Variants in DIP2B observed in about 807,000 individuals in gnomAD.
The protein encoded by DIP2B is DIP2 acetate--CoA ligase B (putative), also known as disco-interacting protein 2 homolog B.
DIP2B carries 76 observed loss-of-function variants against 198.0 expected under a neutral mutation model. The ratio of observed to expected loss-of-function variants is 0.38; its 90% CI spans 0.32 to 0.46. The LOEUF is 0.46. DIP2B is among the 20% of genes least tolerant of loss of function. The pLI, the probability that DIP2B is intolerant of heterozygous loss-of-function variation, is 0.99. For synonymous variants in DIP2B, 701 were observed against 739.1 expected (o/e 0.95, Z 0.84); for missense variants, 1,559 against 1,978.4 (o/e 0.79, Z 4.02).
At chr12:50,686,948 A>G (rs929518182) in intron 12 of DIP2B, 3 of 300,340 alleles carry the variant, frequency 1.0e-5, no homozygotes, top group Non-Finnish European at 1.8e-5. Flanking sequence ...GGGAAGTACA[A>G]GCGTTTAGGA....
rs57483938 is a variant in DIP2B, at chr12:50,643,405, CTGTGTGTGTGTG to C, written c.301+2589_301+2600del. Among the ~76,000 whole-genome samples the C allele has an allele frequency of 5.9e-3, 773 of 131,184 alleles. 7 individuals are homozygous for C. The highest frequency in any genetic ancestry group is 0.034 in the Middle Eastern group (9 of 264). 86.1% of individuals were successfully genotyped at this position (131,184 alleles called of 152,430 possible). ...TATGTTAATCTCACTGGGAGTTTTT[CTGTGTGTGTGTG>C]TGTGTGTGTGTGTGTGTGTGTGTGT... On this transcript the variant is annotated intron_variant, in intron 3 of 37. Coordinates refer to ENST00000301180, the MANE Select transcript of DIP2B (RefSeq NM_173602.3).
chr12:50,535,434 G>A (rs1381921800), intron 1 of DIP2B, among the ~76,000 whole-genome samples: 8 of 149,240 alleles, frequency 5.4e-5, no homozygotes, highest in Admixed American at 4.0e-4. Context: ...TGGCACAATC[G>A]AGGCTTACCG....
chr12:50,581,261 A>G lies in DIP2B; in HGVS notation c.101-44715A>G, dbSNP rs184836609. Among the ~76,000 whole-genome samples, 29 of 149,656 alleles carry G rather than the reference A, an allele frequency of 1.9e-4. 1 individual carries two copies. Among genetic ancestry groups the G allele is most frequent in the African/African-American group, 7.1e-4 (29 of 40,980 alleles). On this transcript the variant is annotated intron_variant, in intron 1 of 37. Transcript: ENST00000301180. ...TGCCTGTAATTAGCCAGATTTGGGA[A>G]TCATTGAAACAGGAATTTATTCATA...
chr12:50,527,113 G>T (rs992389666), intron 1 of DIP2B, among the ~76,000 whole-genome samples: 9 of 152,184 alleles, frequency 5.9e-5, no homozygotes, highest in Non-Finnish European at 1.3e-4. Flanking sequence ...GTTTTTCAAC[G>T]TCTTTTCTTG....
intron 1 of DIP2B, among the ~76,000 whole-genome samples, chr12:50,620,914 T>C (rs1937799513): frequency 6.6e-6 from 1 of 152,208 alleles, no homozygotes; most frequent in South Asian, 2.1e-4. Flanking sequence ...ACAGGATTCC[T>C]CACTGCAGCA....
chr12:50,534,038 C>T (rs1216710990), intron 1 of DIP2B, among the ~76,000 whole-genome samples: 1 of 152,180 alleles, frequency 6.6e-6, no homozygotes, highest in Non-Finnish European at 1.5e-5. Flanking sequence ...ACTTAGAATT[C>T]ATTTTTTTCT....
intron 2 of DIP2B, among the ~76,000 whole-genome samples, chr12:50,626,478 T>A (rs1324961978): frequency 2.0e-5 from 3 of 152,328 alleles, no homozygotes; most frequent in African/African-American, 4.8e-5. Flanking sequence ...TGTAGATTAA[T>A]TCAAAGCCAG....
At chr12:50,547,953 T>C (rs1958392016) in intron 1 of DIP2B, among the ~76,000 whole-genome samples, 1 of 152,098 alleles carries the variant, frequency 6.6e-6, no homozygotes, top group Admixed American at 6.6e-5. Context: ...CCTGTAGTTC[T>C]AGCTACTTGG....
At chr12:50,568,581 A>C (rs1958585775) in intron 1 of DIP2B, among the ~76,000 whole-genome samples, 1 of 152,180 alleles carries the variant, frequency 6.6e-6, no homozygotes, top group African/African-American at 2.4e-5. Flanking sequence ...GGTCTAAGCC[A>C]GGAGGTGAAG....
chr12:50,615,266 CT>C (rs896860074), intron 1 of DIP2B, among the ~76,000 whole-genome samples: 5 of 151,304 alleles, frequency 3.3e-5, no homozygotes, highest in Admixed American at 2.6e-4. Flanking sequence ...CCCGCCATTT[CT>C]TTTTTTTTCT....
At chr12:50,652,813 A>T (rs1441792850) in intron 3 of DIP2B, among the ~76,000 whole-genome samples, 1 of 152,088 alleles carries the variant, frequency 6.6e-6, no homozygotes, top group Non-Finnish European at 1.5e-5. Flanking sequence ...ACAGTTTTTA[A>T]TGTACAAGTT....
intron 1 of DIP2B, among the ~76,000 whole-genome samples, chr12:50,618,639 C>G (rs1354185610): frequency 6.6e-6 from 1 of 152,126 alleles, no homozygotes; most frequent in African/African-American, 2.4e-5. Context: ...GGATTCAAAT[C>G]CTGATCACAG....
intron 7 of DIP2B, among the ~76,000 whole-genome samples, chr12:50,678,139 C>T (rs1398761448): frequency 1.3e-5 from 2 of 150,468 alleles, no homozygotes; most frequent in Non-Finnish European, 3.0e-5. Flanking sequence ...GGTTTATGCC[C>T]ATTGTCTGTT....
intron 22 of DIP2B, among the ~76,000 whole-genome samples, chr12:50,709,530 C>G (rs916300737): frequency 1.3e-5 from 2 of 151,508 alleles, no homozygotes; most frequent in South Asian, 2.1e-4. Flanking sequence ...CCCAGCTACT[C>G]GGGAGGCTGA....
At chr12:50,548,663 C>T (rs1306083999) in intron 1 of DIP2B, among the ~76,000 whole-genome samples, 1 of 152,122 alleles carries the variant, frequency 6.6e-6, no homozygotes, top group Non-Finnish European at 1.5e-5. Flanking sequence ...GTAGCTGGGA[C>T]TACAGGTACC....
chr12:50,666,896 C>T (rs1385503546), intron 4 of DIP2B, among the ~76,000 whole-genome samples: 1 of 152,116 alleles, frequency 6.6e-6, no homozygotes, highest in East Asian at 1.9e-4. Context: ...GTGGCGGGCG[C>T]CTGTAGTCCC....
At chr12:50,704,035 A>T in intron 19 of DIP2B, 105 bp from the exon 20 acceptor site, 1 of 874,786 alleles carries the variant, frequency 1.1e-6, no homozygotes, top group Non-Finnish European at 1.8e-6. Context: ...ATTCACTATT[A>T]CATTATTTTT....
At chr12:50,648,737 C>A (rs1451202344) in intron 3 of DIP2B, among the ~76,000 whole-genome samples, 1 of 149,094 alleles carries the variant, frequency 6.7e-6, no homozygotes, top group African/African-American at 2.5e-5. Flanking sequence ...TTTTTTAATC[C>A]TAAAGATACT....
At chr12:50,613,676 T>TA (rs1279090730) in intron 1 of DIP2B, among the ~76,000 whole-genome samples, 79 of 152,136 alleles carry the variant, frequency 5.2e-4, no homozygotes, top group African/African-American at 1.9e-3. Context: ...AGGGACTGAG[T>TA]ATTAACATTT....
Sources: allele counts gnomAD v4.1 joint callset (sites outside exome capture counted in the v4.1 genomes callset), GRCh38; gene constraint gnomAD v4.1.1; transcripts MANE v1.5; gene names NCBI Gene and HGNC (gene_info 2026-07-23, HGNC 2026-07-21).